SH3PXD2A: variants seen among roughly 807,000 people sequenced by gnomAD.
SH3PXD2A encodes the protein SH3 and PX domains 2A.
SH3PXD2A carries 32 observed loss-of-function variants against 115.2 expected under a neutral mutation model. The ratio of observed to expected loss-of-function variants is 0.28; its 90% CI spans 0.21 to 0.37. The LOEUF (loss-of-function observed/expected upper bound fraction) is 0.37. Among genes scored for constraint, SH3PXD2A ranks in the 10% least tolerant of loss-of-function variants. The pLI is 1.00. For synonymous variants in SH3PXD2A, 610 were observed against 629.1 expected, an observed-to-expected ratio of 0.97 and a Z score of 0.45; for missense variants, 1,328 against 1,498.7, an observed-to-expected ratio of 0.89 and a Z score of 1.88.
At chr10:103,808,745 G>A (rs1428292405) in intron 1 of SH3PXD2A, among the ~76,000 whole-genome samples, 1 of 152,136 alleles carries the variant, frequency 6.6e-6, no homozygotes, top group East Asian at 1.9e-4. Context: ...GCTTGACACA[G>A]GCTGTGTTGG....
chr10:103,730,232 C>CTTTTTTTT (rs67561170), intron 4 of SH3PXD2A, among the ~76,000 whole-genome samples: 2 of 118,264 alleles, frequency 1.7e-5, no homozygotes, highest in African/African-American at 3.0e-5. Context: ...TTTCTCGTTT[C>CTTTTTTTT]TTTTTTTTTT....
At chr10:103,773,805 C>A (rs1378738201) in intron 2 of SH3PXD2A, among the ~76,000 whole-genome samples, 2 of 152,094 alleles carry the variant, frequency 1.3e-5, no homozygotes, top group African/African-American at 4.8e-5. Flanking sequence ...GTGGCACAAT[C>A]CCAGCTCACT....
chr10:103,681,958 G>C (rs536734480), intron 6 of SH3PXD2A, among the ~76,000 whole-genome samples: 5 of 152,198 alleles, frequency 3.3e-5, no homozygotes, highest in Admixed American at 2.6e-4. Context: ...CTCCAGACAC[G>C]CTGATTCAGT....
At chr10:103,828,318 T>C (rs548268311) in intron 1 of SH3PXD2A, among the ~76,000 whole-genome samples, 38 of 152,180 alleles carry the variant, frequency 2.5e-4, no homozygotes, top group Non-Finnish European at 2.9e-4. Context: ...CATTCTCATG[T>C]TGCAAGTCCA....
chr10:103,701,571 T>TTAC (rs2134143732), intron 5 of SH3PXD2A, among the ~76,000 whole-genome samples: 1 of 105,592 alleles, frequency 9.5e-6, no homozygotes, highest in South Asian at 3.6e-4. Context: ...ATCTATCCAT[T>TTAC]CATCCATCCA....
intron 5 of SH3PXD2A, among the ~76,000 whole-genome samples, chr10:103,705,128 C>T (rs2037965991): frequency 6.6e-6 from 1 of 152,212 alleles, no homozygotes; most frequent in Non-Finnish European, 1.5e-5. Flanking sequence ...GCCCTGCCTG[C>T]TCACCAGCCT....
intron 3 of SH3PXD2A, among the ~76,000 whole-genome samples, chr10:103,750,272 C>A (rs1260553751): frequency 6.6e-6 from 1 of 152,128 alleles, no homozygotes; most frequent in African/African-American, 2.4e-5. Context: ...AGGCTGGTCT[C>A]GAACTCCCAG....
In SH3PXD2A at chr10:103,693,071, A is replaced by G; in HGVS notation, c.399-15T>C. On this transcript the variant is annotated splice_polypyrimidine_tract_variant and intron_variant, in intron 5 of 14. Transcript: ENST00000369774. ...TGCCATAGTCCCTGAAAAAGAAGCAACAACAGATAGACATGGTTAGGGCCG... is the reference window on the plus strand; with the variant it reads ...TGCCATAGTCCCTGAAAAAGAAGCAGCAACAGATAGACATGGTTAGGGCCG... 2.5e-6 allele frequency: 4 copies of G among 1,613,066 alleles called. No individual in the cohort carries two copies. The highest frequency in any genetic ancestry group is 3.4e-6 in the Non-Finnish European group (4 of 1,179,258).
At chr10:103,818,730 A>C (rs2134286710) in intron 1 of SH3PXD2A, among the ~76,000 whole-genome samples, 1 of 152,212 alleles carries the variant, frequency 6.6e-6, no homozygotes, top group South Asian at 2.1e-4. Flanking sequence ...CCTTCTCTGG[A>C]AACACATTTC....
At chr10:103,715,746 C>T (rs1160154491) in intron 5 of SH3PXD2A, among the ~76,000 whole-genome samples, 1 of 152,240 alleles carries the variant, frequency 6.6e-6, no homozygotes, top group Non-Finnish European at 1.5e-5. Flanking sequence ...CCTGCCTTCC[C>T]GAACAGGCCA....
chr10:103,855,458 C>T lies in SH3PXD2A; in HGVS notation c.-192G>A, dbSNP rs1055183045. The T allele has an allele frequency of 2.4e-5, 5 of 205,788 alleles. 1 individual carries two copies. Among genetic ancestry groups the T allele is most frequent in the African/African-American group, 9.5e-5 (4 of 42,062 alleles). The allele number at this position is 205,788 out of a possible 1,614,324, so 12.7% of individuals were successfully genotyped here. On this transcript the variant is annotated 5_prime_UTR_variant, in exon 1 of 15. Transcript: ENST00000369774. The stretch of plus-strand genomic sequence containing the variant: ...GGGAGGGTCCCGGAGGGCGCGCGGG[C>T]TCCGTGCGCCCCGGGGGACTCCCCG...
chr10:103,661,360 C>A (rs891768888), intron 7 of SH3PXD2A, among the ~76,000 whole-genome samples: 26 of 152,156 alleles, frequency 1.7e-4, no homozygotes, highest in African/African-American at 6.3e-4. Flanking sequence ...GGGGAGGGGA[C>A]GGGCAGGAGG....
intron 1 of SH3PXD2A, among the ~76,000 whole-genome samples, chr10:103,838,491 T>A (rs2039567489): frequency 6.6e-6 from 1 of 152,238 alleles, no homozygotes; most frequent in African/African-American, 2.4e-5. Flanking sequence ...TCAGGCAGTC[T>A]GGTTTCAGAA....
intron 5 of SH3PXD2A, among the ~76,000 whole-genome samples, chr10:103,700,838 G>A (rs2037884497): frequency 1.3e-5 from 2 of 152,144 alleles, no homozygotes; most frequent in South Asian, 4.1e-4. Context: ...CCATGGGAGG[G>A]GGAGTGACAA....
At chr10:103,782,117 T>A (rs1293708091) in intron 2 of SH3PXD2A, among the ~76,000 whole-genome samples, 3 of 152,208 alleles carry the variant, frequency 2.0e-5, no homozygotes, top group Admixed American at 6.5e-5. Context: ...AAGGGAAAGA[T>A]CACACTGGGA....
chr10:103,693,170 T>C, intron 5 of SH3PXD2A, 114 bp from the exon 6 acceptor site: 2 of 683,062 alleles, frequency 2.9e-6, no homozygotes, highest in East Asian at 3.3e-5. Context: ...CCGCTGCTCA[T>C]GTGATGCCCA....
At chr10:103,662,344 G>GGA (rs1554908105) in intron 7 of SH3PXD2A, among the ~76,000 whole-genome samples, 2 of 88,898 alleles carry the variant, frequency 2.2e-5, no homozygotes, top group African/African-American at 5.7e-5. Context: ...TTATTGGCGG[G>GGA]GGGGGGGGCG....
chr10:103,794,131 A>G (rs1394642126), intron 2 of SH3PXD2A, among the ~76,000 whole-genome samples: 1 of 152,108 alleles, frequency 6.6e-6, no homozygotes, highest in Non-Finnish European at 1.5e-5. Context: ...TTTTCCACCC[A>G]TCATGAGGTG....
rs1311554271 is a variant in SH3PXD2A at position 103,601,545 on chromosome 10, A to C, written c.*271T>G. 118 of 340,082 alleles carry C rather than the reference A, an allele frequency of 3.5e-4. No homozygotes were observed. The highest frequency in any genetic ancestry group is 1.7e-3 in the Middle Eastern group (2 of 1,170). 21.1% of individuals were successfully genotyped at this position (340,082 alleles called of 1,614,324 possible). A position where few individuals can be genotyped will look rare whatever the true frequency, so the allele number is the denominator to read the frequency against. ...TGGTGAAGTCCCTATGGTGCACAGG[A>C]TATCTCAGCTTTCTTGGCTCTGGGT... On this transcript the variant is annotated 3_prime_UTR_variant, in exon 15 of 15. Coordinates refer to ENST00000369774, the MANE Select transcript of SH3PXD2A (RefSeq NM_001394015.1).
Sources: allele counts gnomAD v4.1 joint callset (sites outside exome capture counted in the v4.1 genomes callset), GRCh38; gene constraint gnomAD v4.1.1; transcripts MANE v1.5; gene names NCBI Gene and HGNC (gene_info 2026-07-23, HGNC 2026-07-21).